The following DPP10 variants were observed in gnomAD, a reference collection of about 807,000 sequenced individuals.
DPP10 encodes the protein dipeptidyl peptidase like 10.
A neutral mutation model predicts 120.9 loss-of-function variants in DPP10; 33 were observed. The observed-to-expected ratio is 0.27, with a 90% CI of 0.21 to 0.37. The LOEUF (loss-of-function observed/expected upper bound fraction) is 0.37, where lower values mean the gene tolerates loss of function less well. DPP10 is among the 10% of genes least tolerant of loss of function. DPP10 has a pLI of 1.00. For missense variants in DPP10, 816 were observed against 942.8 expected (o/e 0.87, Z 1.76); for synonymous variants, 337 against 326.1 (o/e 1.03, Z -0.36).
chr2:115,724,701 A>G (rs748573637), intron 7 of DPP10, among the ~76,000 whole-genome samples: 3 of 152,176 alleles, frequency 2.0e-5, no homozygotes, highest in Non-Finnish European at 4.4e-5. Flanking sequence ...TTGCATTGCT[A>G]TAGAGAAACA....
intron 1 of DPP10, among the ~76,000 whole-genome samples, chr2:115,157,463 T>C (rs912820788): frequency 1.3e-5 from 2 of 152,190 alleles, no homozygotes; most frequent in African/African-American, 4.8e-5. Context: ...TAACTGATAC[T>C]GAAAGAAACT....
intron 1 of DPP10, among the ~76,000 whole-genome samples, chr2:114,769,810 C>T (rs943296653): frequency 2.0e-5 from 3 of 152,096 alleles, no homozygotes; most frequent in African/African-American, 7.2e-5. Flanking sequence ...AGGTGACATA[C>T]AAATGTCTTT....
chr2:114,838,974 C>T (rs1191410835), intron 1 of DPP10, among the ~76,000 whole-genome samples: 1 of 152,126 alleles, frequency 6.6e-6, no homozygotes, highest in African/African-American at 2.4e-5. Context: ...ATCCTCTGTA[C>T]TCTATTTTAT....
intron 1 of DPP10, among the ~76,000 whole-genome samples, chr2:115,272,804 C>T (rs927269806): frequency 3.3e-5 from 5 of 152,242 alleles, no homozygotes; most frequent in Non-Finnish European, 1.5e-5. Flanking sequence ...GCGGGCTGCG[C>T]TGAGCAGAAA....
intron 1 of DPP10, among the ~76,000 whole-genome samples, chr2:115,232,785 T>C (rs1211258108): frequency 2.0e-5 from 3 of 152,238 alleles, no homozygotes; most frequent in Non-Finnish European, 4.4e-5. Flanking sequence ...TAATATTTTC[T>C]GGTAATCATA....
At chr2:114,644,413 T>G (rs915483596) in intron 1 of DPP10, among the ~76,000 whole-genome samples, 7 of 151,614 alleles carry the variant, frequency 4.6e-5, no homozygotes, top group Non-Finnish European at 1.0e-4. Flanking sequence ...ACCCCACATA[T>G]CCACATATCT....
intron 3 of DPP10, among the ~76,000 whole-genome samples, chr2:115,495,717 A>C (rs1260173673): frequency 6.6e-6 from 1 of 152,178 alleles, no homozygotes; most frequent in Non-Finnish European, 1.5e-5. Context: ...GGGTTACTGC[A>C]GACTGAAAAT....
chr2:115,212,175 C>G (rs1028554905), intron 1 of DPP10, among the ~76,000 whole-genome samples: 2 of 152,048 alleles, frequency 1.3e-5, no homozygotes, highest in African/African-American at 4.8e-5. Context: ...CTTACTGTTC[C>G]CTAAAGCACT....
intron 1 of DPP10, among the ~76,000 whole-genome samples, chr2:114,503,587 G>T (rs894302580): frequency 1.7e-4 from 26 of 152,158 alleles, no homozygotes; most frequent in African/African-American, 6.3e-4. Context: ...AGGTTATCCT[G>T]AAAGGGGAGA....
At chr2:115,583,007 A>G (rs2082086866) in intron 5 of DPP10, among the ~76,000 whole-genome samples, 1 of 152,186 alleles carries the variant, frequency 6.6e-6, no homozygotes, top group African/African-American at 2.4e-5. Flanking sequence ...ATGATTGCGT[A>G]TTTTAATCTC....
chr2:114,750,322 G>A (rs183349079), intron 1 of DPP10, among the ~76,000 whole-genome samples: 5 of 151,500 alleles, frequency 3.3e-5, no homozygotes, highest in Admixed American at 3.3e-4. Flanking sequence ...AGAGGGGAGG[G>A]AACAGACATC....
intron 1 of DPP10, among the ~76,000 whole-genome samples, chr2:114,996,288 T>C (rs764973992): frequency 6.6e-6 from 1 of 152,212 alleles, no homozygotes; most frequent in Non-Finnish European, 1.5e-5. Context: ...TCTCTCTACC[T>C]GTAAATCACG....
intron 1 of DPP10, among the ~76,000 whole-genome samples, chr2:114,728,481 A>G (rs755869072): frequency 7.2e-5 from 11 of 152,126 alleles, no homozygotes; most frequent in Non-Finnish European, 1.3e-4. Flanking sequence ...CCTTAATCCT[A>G]GGTGACAGGA....
intron 3 of DPP10, among the ~76,000 whole-genome samples, chr2:115,396,155 C>G (rs1282759015): frequency 6.6e-6 from 1 of 152,162 alleles, no homozygotes; most frequent in Admixed American, 6.6e-5. Context: ...CATCTATTAC[C>G]TCACAGATTG....
chr2:115,585,662 C>A (rs1157227099), intron 5 of DPP10, among the ~76,000 whole-genome samples: 1 of 152,154 alleles, frequency 6.6e-6, no homozygotes, highest in East Asian at 1.9e-4. Context: ...TTTCTATAAT[C>A]CATTGGTATC....
intron 5 of DPP10, among the ~76,000 whole-genome samples, chr2:115,587,556 A>G (rs1032076285): frequency 2.0e-5 from 3 of 152,222 alleles, no homozygotes; most frequent in Non-Finnish European, 2.9e-5. Context: ...GGTATCTTGA[A>G]GATACACTTC....
intron 1 of DPP10, among the ~76,000 whole-genome samples, chr2:114,667,103 T>C (rs1697983044): frequency 6.6e-6 from 1 of 152,186 alleles, no homozygotes; most frequent in South Asian, 2.1e-4. Context: ...GCTGTGTTCA[T>C]GGGCTCCAAA....
chr2:115,303,515 T>G (rs1296615245), intron 1 of DPP10, among the ~76,000 whole-genome samples: 2 of 151,992 alleles, frequency 1.3e-5, no homozygotes, highest in Non-Finnish European at 2.9e-5. Context: ...TTTTGTATAG[T>G]TACATAATCC....
chr2:115,655,940 G>A (rs2088276906), intron 5 of DPP10, among the ~76,000 whole-genome samples: 1 of 151,492 alleles, frequency 6.6e-6, no homozygotes. Context: ...GATAAGAATA[G>A]AATGAATGAT....
Sources: gnomAD v4.1 joint callset for allele counts (sites outside exome capture counted in the v4.1 genomes callset) on GRCh38, gnomAD v4.1.1 for gene constraint, MANE v1.5 for transcripts, NCBI Gene and HGNC (gene_info 2026-07-23, HGNC 2026-07-21) for gene names.